KDM1A: variants seen among roughly 807,000 people sequenced by gnomAD.
The protein encoded by KDM1A is lysine demethylase 1A.
A neutral mutation model predicts 109.4 loss-of-function variants in KDM1A; 49 were observed. That is an observed-to-expected ratio of 0.45 (90% CI 0.36 to 0.57). The LOEUF is 0.57. KDM1A is among the 20% of genes least tolerant of loss of function. KDM1A has a pLI of 0.00. For synonymous variants in KDM1A, 380 were observed against 415.4 expected, an observed-to-expected ratio of 0.91 and a Z score of 1.04; for missense variants, 668 against 1,116.6, an observed-to-expected ratio of 0.60 and a Z score of 5.73.
chr1:23,050,686 TA>T (rs1177974425), intron 4 of KDM1A, among the ~76,000 whole-genome samples, 166 bp downstream of exon 4: 2 of 152,238 alleles, frequency 1.3e-5, no homozygotes, highest in African/African-American at 4.8e-5. Flanking sequence ...TTTGGGTATT[TA>T]AAAAATGTAT....
intron 14 of KDM1A, among the ~76,000 whole-genome samples, chr1:23,072,800 C>G (rs1643357700): frequency 6.6e-6 from 1 of 152,106 alleles, no homozygotes; most frequent in Non-Finnish European, 1.5e-5. Flanking sequence ...TGCCCACCAC[C>G]ATGCCCAGCT....
rs147812861 is a variant in KDM1A, at chr1:23,023,019, A to G, written c.351+3072A>G. Among the ~76,000 whole-genome samples the G allele has an allele frequency of 2.8e-3, 428 of 152,288 alleles. 4 individuals carry two copies. Among genetic ancestry groups the G allele is most frequent in the African/African-American group, 9.6e-3 (397 of 41,556 alleles). On this transcript the variant is annotated intron_variant, in intron 1 of 20. Coordinates refer to ENST00000400181, the MANE Select transcript of KDM1A (RefSeq NM_001009999.3). ...TTACTGTAGCCATCCTATTGGGGGT[A>G]AAGTGGTATCTCATTGTGGTTTTGA...
intron 1 of KDM1A, among the ~76,000 whole-genome samples, chr1:23,027,429 T>TTGAGA (rs1308866797): frequency 6.7e-6 from 1 of 149,220 alleles, no homozygotes; most frequent in Non-Finnish European, 1.5e-5. Flanking sequence ...TTTTTTTTTT[T>TTGAGA]TTGAGACAGG....
chr1:23,046,953 C>T (rs1006991276), intron 3 of KDM1A, among the ~76,000 whole-genome samples: 3 of 152,132 alleles, frequency 2.0e-5, no homozygotes, highest in Non-Finnish European at 2.9e-5. Context: ...TAATGGAAAA[C>T]GCAAACACCA....
chr1:23,065,347 C>T (rs1213762782), intron 9 of KDM1A, among the ~76,000 whole-genome samples: 1 of 152,098 alleles, frequency 6.6e-6, no homozygotes, highest in East Asian at 1.9e-4. Flanking sequence ...TTCTAACTAG[C>T]TTGTTTTTAG....
intron 2 of KDM1A, among the ~76,000 whole-genome samples, chr1:23,042,440 A>ATTTTTTTT (rs769149894): frequency 6.5e-4 from 14 of 21,546 alleles, no homozygotes; most frequent in Non-Finnish European, 1.1e-3. Flanking sequence ...GAAATATATT[A>ATTTTTTTT]TTTTTTTTTT....
At chr1:23,061,809 A>G (rs997323733) in intron 9 of KDM1A, among the ~76,000 whole-genome samples, 6 of 152,066 alleles carry the variant, frequency 3.9e-5, no homozygotes, top group Non-Finnish European at 5.9e-5. Context: ...GGCATGCGCC[A>G]CCACGCCCCA....
chr1:23,060,979 C>T (rs893228910), intron 9 of KDM1A, among the ~76,000 whole-genome samples: 1 of 152,172 alleles, frequency 6.6e-6, no homozygotes, highest in Non-Finnish European at 1.5e-5. Context: ...ATTGAGACGC[C>T]ATCTTTTTCT....
chr1:23,019,795 C>T lies in KDM1A; in HGVS notation c.199C>T (p.Arg67Trp). ...ERTPRKKEPP[R>W]ASPPGGLAEP... The stretch of plus-strand genomic sequence containing the variant: ...CACACCCCGCAAGAAAGAGCCTCCG[C>T]GGGCCTCGCCCCCCGGGGGCCTGGC... The change falls in exon 1 of 21, where the codon CGG becomes TGG. Residue 67 changes from arginine to tryptophan, a missense_variant. Physicochemically the swap from Arg to Trp is moderately radical, Grantham distance 101. Transcript: ENST00000400181. The T allele has an allele frequency of 1.4e-6, 2 of 1,384,838 alleles. No homozygotes were observed. Among genetic ancestry groups the T allele is most frequent in the Non-Finnish European group, 1.9e-6 (2 of 1,068,250 alleles). 85.8% of individuals were successfully genotyped at this position (1,384,838 alleles called of 1,614,324 possible). A position where few individuals can be genotyped will look rare whatever the true frequency, so the allele number is the denominator to read the frequency against.
At position 23,062,292 on chromosome 1, in the gene KDM1A, T is replaced by G. The variant is rs1643022789; in HGVS notation, c.1167+3125T>G. On this transcript the variant is annotated intron_variant, in intron 9 of 20. Transcript: ENST00000400181. ...CCTGTGTGACGACATCAGCTGAGTC[T>G]CCTTCTCTGAGAGCTTTGTTGTAGT... Among the ~76,000 whole-genome samples, 3 of 152,196 alleles carry G rather than the reference T, an allele frequency of 2.0e-5. 1 individual carries two copies. Among genetic ancestry groups the G allele is most frequent in the Non-Finnish European group, 4.4e-5 (3 of 68,040 alleles).
intron 15 of KDM1A, among the ~76,000 whole-genome samples, chr1:23,075,021 T>C (rs1288263440): frequency 1.3e-5 from 2 of 152,260 alleles, no homozygotes; most frequent in African/African-American, 4.8e-5. Flanking sequence ...TCTACAAAAA[T>C]CACCTTCTGG....
chr1:23,056,081 A>G lies in KDM1A; in HGVS notation c.990+43A>G, dbSNP rs779292056. On this transcript the variant is annotated intron_variant, in intron 7 of 20. Coordinates refer to ENST00000400181, the MANE Select transcript of KDM1A (RefSeq NM_001009999.3). ...AGTTTAGAGGCTTGACCTATTGGAA[A>G]TATGGTAAGCAAATTATCTGTTGCA... 8.6e-6 allele frequency: 11 copies of G among 1,286,408 alleles called. No homozygotes were observed. The African/African-American group carries it at 1.0e-4, about 12-fold the overall frequency. The allele number at this position is 1,286,408 out of a possible 1,614,324, so 79.7% of individuals were successfully genotyped here. A position where few individuals can be genotyped will look rare whatever the true frequency, so the allele number is the denominator to read the frequency against.
rs749316588 is a variant in KDM1A at position 23,083,166 on chromosome 1, T to C, written c.2446-13T>C. On this transcript the variant is annotated splice_polypyrimidine_tract_variant and intron_variant, in intron 20 of 20. Transcript: ENST00000400181. ...GTGCAGCCTGCCAATTTTCTCTTTT[T>C]CCCCTAAAATAGCCGATTCCACGAC... 1.2e-6 allele frequency: 2 copies of C among 1,600,934 alleles called. No individual in the cohort carries two copies. The highest frequency in any genetic ancestry group is 1.3e-5 in the African/African-American group (1 of 74,702).
intron 3 of KDM1A, among the ~76,000 whole-genome samples, chr1:23,045,889 G>A (rs1642488789): frequency 6.6e-6 from 1 of 152,126 alleles, no homozygotes; most frequent in Non-Finnish European, 1.5e-5. Context: ...TTTGTGAAAT[G>A]ATCAATCAGG....
intron 9 of KDM1A, among the ~76,000 whole-genome samples, chr1:23,062,973 C>T (rs1006079430): frequency 1.3e-5 from 2 of 151,824 alleles, no homozygotes; most frequent in Non-Finnish European, 2.9e-5. Flanking sequence ...ATTGGACATG[C>T]GGAAGGTTGG....
intron 2 of KDM1A, among the ~76,000 whole-genome samples, chr1:23,042,021 G>T (rs1377649649): frequency 6.6e-6 from 1 of 152,030 alleles, no homozygotes; most frequent in Non-Finnish European, 1.5e-5. Flanking sequence ...AATCAGTCAA[G>T]AGCTACCTGT....
At chr1:23,080,247 G>A (rs1643579665) in intron 18 of KDM1A, among the ~76,000 whole-genome samples, 2 of 152,116 alleles carry the variant, frequency 1.3e-5, no homozygotes, top group South Asian at 4.1e-4. Context: ...CTGCCCAGTG[G>A]TGAATGGTCT....
chr1:23,051,918 G>A (rs1642681264), intron 4 of KDM1A, among the ~76,000 whole-genome samples: 1 of 152,192 alleles, frequency 6.6e-6, no homozygotes, highest in Admixed American at 6.5e-5. Context: ...AAGAAAAGAT[G>A]GTGAGTTTTT....
intron 19 of KDM1A, 56 bp downstream of exon 19, chr1:23,081,629 A>C: frequency 2.5e-6 from 4 of 1,595,738 alleles, no homozygotes; most frequent in Non-Finnish European, 3.4e-6. Flanking sequence ...ACCAGGGTTT[A>C]ATGTATTTGC....
Sources: gnomAD v4.1 joint callset for allele counts (sites outside exome capture counted in the v4.1 genomes callset) on GRCh38, gnomAD v4.1.1 for gene constraint, MANE v1.5 for transcripts, NCBI Gene and HGNC (gene_info 2026-07-23, HGNC 2026-07-21) for gene names.